TASP1: variants seen among roughly 807,000 people sequenced by gnomAD.
The protein encoded by TASP1 is taspase 1, also known as threonine aspartase 1.
TASP1 carries 16 observed loss-of-function variants against 56.6 expected under a neutral mutation model. The ratio of observed to expected loss-of-function variants is 0.28; its 90% CI spans 0.19 to 0.43. TASP1 has a LOEUF of 0.43. TASP1 is among the 20% of genes least tolerant of loss of function. The probability of loss-of-function intolerance (pLI) is 1.00; values close to 1 mark genes in which losing one functional copy is unlikely to be tolerated. For missense variants in TASP1, 393 were observed against 511.6 expected (o/e 0.77, Z 2.24); for synonymous variants, 179 against 184.2 (o/e 0.97, Z 0.23).
chr20:13,150,288 C>T, the TASP1 span, among the ~76,000 whole-genome samples: 5,817 of 152,226 alleles, frequency 0.038, 163 homozygotes, highest in African/African-American at 0.08. Context: ...TGTAAACATA[C>T]AAGTTTCCAA....
chr20:13,329,274 G>T, the TASP1 span, among the ~76,000 whole-genome samples: 1 of 152,198 alleles, frequency 6.6e-6, no homozygotes, highest in Non-Finnish European at 1.5e-5. Context: ...GGTAAGTCAG[G>T]TAAAATGAGG....
chr20:13,511,692 C>T (rs761167324), intron 10 of TASP1, among the ~76,000 whole-genome samples: 5 of 151,842 alleles, frequency 3.3e-5, no homozygotes, highest in African/African-American at 9.7e-5. Flanking sequence ...TGTTGGTGTG[C>T]TGCACCCCAC....
At chr20:13,221,843 G>A in the TASP1 span, 5 of 1,443,626 alleles carry the variant, frequency 3.5e-6, no homozygotes, top group South Asian at 4.1e-5. Flanking sequence ...GCACATCACC[G>A]TGCTGCGCGG....
the TASP1 span, among the ~76,000 whole-genome samples, chr20:13,270,334 A>G: frequency 6.6e-6 from 1 of 152,240 alleles, no homozygotes; most frequent in African/African-American, 2.4e-5. Context: ...TCTGGCTTTT[A>G]AGACATGAAG....
chr20:13,557,031 C>A (rs970057529), intron 8 of TASP1, among the ~76,000 whole-genome samples: 4 of 152,288 alleles, frequency 2.6e-5, no homozygotes, highest in East Asian at 1.9e-4. Context: ...CCAGTTCAGT[C>A]CCATTTCCTG....
the TASP1 span, among the ~76,000 whole-genome samples, chr20:13,328,925 C>T: frequency 2.0e-5 from 3 of 152,002 alleles, no homozygotes; most frequent in African/African-American, 7.2e-5. Context: ...AACAAATCTG[C>T]ACATCCTGCA....
intron 11 of TASP1, among the ~76,000 whole-genome samples, chr20:13,470,942 G>T (rs1256155189): frequency 6.6e-6 from 1 of 151,966 alleles, no homozygotes; most frequent in Non-Finnish European, 1.5e-5. Flanking sequence ...TTCTATCTCT[G>T]GCTTCCAAAT....
chr20:13,547,664 T>A (rs1340013078), intron 8 of TASP1, among the ~76,000 whole-genome samples: 1 of 151,982 alleles, frequency 6.6e-6, no homozygotes, highest in Non-Finnish European at 1.5e-5. Context: ...TATCTTCTGA[T>A]AGCACACAGA....
At chr20:13,456,902 T>C (rs2043861144) in intron 11 of TASP1, among the ~76,000 whole-genome samples, 1 of 152,192 alleles carries the variant, frequency 6.6e-6, no homozygotes, top group South Asian at 2.1e-4. Flanking sequence ...CAGACTTTTC[T>C]TTTTGTTCAC....
At chr20:13,492,416 C>G (rs1191225076) in intron 10 of TASP1, among the ~76,000 whole-genome samples, 2 of 152,162 alleles carry the variant, frequency 1.3e-5, no homozygotes, top group African/African-American at 4.8e-5. Flanking sequence ...CACCTTTTCC[C>G]TGTCAAAGGA....
the TASP1 span, among the ~76,000 whole-genome samples, chr20:13,162,787 C>G: frequency 6.6e-6 from 1 of 152,258 alleles, no homozygotes; most frequent in South Asian, 2.1e-4. Context: ...CAGCATCCAA[C>G]CCAGAACTGG....
intron 10 of TASP1, among the ~76,000 whole-genome samples, chr20:13,528,058 C>T (rs1009120198): frequency 6.6e-6 from 1 of 151,530 alleles, no homozygotes; most frequent in African/African-American, 2.4e-5. Context: ...CCTGTCTCTA[C>T]TAAAAATACA....
At chr20:13,538,331 C>A (rs993374669) in intron 8 of TASP1, among the ~76,000 whole-genome samples, 2 of 152,046 alleles carry the variant, frequency 1.3e-5, no homozygotes, top group East Asian at 3.9e-4. Context: ...ATCTTATTAA[C>A]TCAGTCTTTC....
At chr20:13,592,292 G>A (rs1196183296) in intron 4 of TASP1, among the ~76,000 whole-genome samples, 1 of 151,886 alleles carries the variant, frequency 6.6e-6, no homozygotes, top group East Asian at 1.9e-4. Context: ...AGCTACTCGG[G>A]AGGCTGAGGC....
At chr20:13,416,736 TTTA>T (rs2042267303) in intron 13 of TASP1, among the ~76,000 whole-genome samples, 1 of 152,138 alleles carries the variant, frequency 6.6e-6, no homozygotes, top group Non-Finnish European at 1.5e-5. Context: ...TTCTAAAAAA[TTTA>T]TGAACAAGAA....
chr20:13,112,108 A>G, the TASP1 span, among the ~76,000 whole-genome samples: 1 of 152,234 alleles, frequency 6.6e-6, no homozygotes, highest in Admixed American at 6.5e-5. Context: ...TGGCTTACAC[A>G]GCAATGATTT....
chr20:13,342,359 T>C, the TASP1 span, among the ~76,000 whole-genome samples: 1 of 152,248 alleles, frequency 6.6e-6, no homozygotes, highest in Non-Finnish European at 1.5e-5. Context: ...CTCAGTTCTG[T>C]CTGCCATGTG....
chr20:13,126,484 G>T, the TASP1 span: 1 of 1,337,826 alleles, frequency 7.5e-7, no homozygotes, highest in Non-Finnish European at 1.0e-6. Flanking sequence ...TTGAGCATGA[G>T]ATCAAATGTC....
At chr20:13,365,337 C>T in the TASP1 span, among the ~76,000 whole-genome samples, 11 of 152,168 alleles carry the variant, frequency 7.2e-5, no homozygotes, top group South Asian at 2.1e-4. Flanking sequence ...TCTAGATTCA[C>T]GGAGCATATA....
Sources: allele counts gnomAD v4.1 joint callset (sites outside exome capture counted in the v4.1 genomes callset), GRCh38; gene constraint gnomAD v4.1.1; transcripts MANE v1.5; gene names NCBI Gene and HGNC (gene_info 2026-07-23, HGNC 2026-07-21).